The following RBFOX3 variants were observed in gnomAD, a reference collection of about 807,000 sequenced individuals.
RBFOX3 encodes the protein RNA binding fox-1 homolog 3, also known as RNA binding protein fox-1 homolog 3.
A neutral mutation model predicts 48.7 loss-of-function variants in RBFOX3; 17 were observed. That is an observed-to-expected ratio of 0.35 (90% CI 0.24 to 0.52). The LOEUF is 0.52. Among genes scored for constraint, RBFOX3 ranks in the 20% least tolerant of loss-of-function variants. The pLI, the probability that RBFOX3 is intolerant of heterozygous loss-of-function variation, is 0.94. For synonymous variants in RBFOX3, 212 were observed against 209.5 expected (o/e 1.01, Z -0.10); for missense variants, 382 against 497.5 (o/e 0.77, Z 2.21).
chr17:79,121,856 A>C (rs1033965211), intron 4 of RBFOX3, among the ~76,000 whole-genome samples: 19 of 152,154 alleles, frequency 1.2e-4, no homozygotes, highest in African/African-American at 4.1e-4. Flanking sequence ...TTAAAAAAAA[A>C]CATCTGTATG....
At chr17:79,572,058 C>T (rs997002808) in intron 1 of RBFOX3, among the ~76,000 whole-genome samples, 4 of 152,152 alleles carry the variant, frequency 2.6e-5, no homozygotes, top group African/African-American at 4.8e-5. Flanking sequence ...TCCCGAGAGG[C>T]GGGTGTTATT....
chr17:79,362,375 C>T lies in RBFOX3; in HGVS notation c.-174-54551G>A, dbSNP rs1419920089. 1.3e-5 allele frequency among the ~76,000 whole-genome samples: 2 copies of T among 152,050 alleles called. No individual in the cohort carries two copies. The highest frequency in any genetic ancestry group is 2.9e-5 in the Non-Finnish European group (2 of 68,016). On this transcript the variant is annotated intron_variant, in intron 2 of 14. Coordinates refer to ENST00000693108, the MANE Select transcript of RBFOX3 (RefSeq NM_001350451.2). This position sits in a 1 kb window ranked among gnomAD's most constrained non-coding sequence, Gnocchi z 4.2. ...GTAGGACGGTGGGAGAGGCTGAGTG[C>T]AGCGTCTTTCAGAGCCAAACAGAGC...
rs370641253 is a variant in RBFOX3 at position 79,289,002 on chromosome 17, G to A, written c.-74+18722C>T. Among the ~76,000 whole-genome samples the A allele has an allele frequency of 6.8e-4, 104 of 152,192 alleles. 2 individuals are homozygous for A. In the South Asian group the frequency reaches 0.021, roughly 31 times the overall value. On this transcript the variant is annotated intron_variant, in intron 3 of 14. Coordinates refer to ENST00000693108, the MANE Select transcript of RBFOX3 (RefSeq NM_001350451.2). ...GGGTGAGCCCCAGGGACTGGGGTGG[G>A]AATCTTGCATCCATGGGGACAGCTG...
intron 1 of RBFOX3, among the ~76,000 whole-genome samples, chr17:79,490,515 C>T (rs1254651482): frequency 6.6e-6 from 1 of 152,238 alleles, no homozygotes; most frequent in South Asian, 2.1e-4. Flanking sequence ...GAAATGTTCC[C>T]CAAAATACAG....
At chr17:79,650,081 A>G in the RBFOX3 span, among the ~76,000 whole-genome samples, 1 of 152,172 alleles carries the variant, frequency 6.6e-6, no homozygotes, top group Non-Finnish European at 1.5e-5. Context: ...GAGCAGAGAC[A>G]CAGATCCAAA....
rs769257515 is a variant in RBFOX3 at position 79,362,904 on chromosome 17, G to T, written c.-174-55080C>A. Among the ~76,000 whole-genome samples, 1 of 152,158 alleles carries T rather than the reference G, an allele frequency of 6.6e-6. No homozygotes were observed. The highest frequency in any genetic ancestry group is 2.4e-5 in the African/African-American group (1 of 41,434). The stretch of plus-strand genomic sequence containing the variant: ...CTTCGAGGCCACACAGGTGTGAGAG[G>T]TCCCACTCCCCAATCTATATCCCCA... On this transcript the variant is annotated intron_variant, in intron 2 of 14. Coordinates refer to ENST00000693108, the MANE Select transcript of RBFOX3 (RefSeq NM_001350451.2). This position sits in a 1 kb window ranked among gnomAD's most constrained non-coding sequence, Gnocchi z 4.2.
chr17:79,410,198 C>G (rs1336662067), intron 2 of RBFOX3, among the ~76,000 whole-genome samples: 3 of 152,210 alleles, frequency 2.0e-5, no homozygotes, highest in African/African-American at 4.8e-5. Flanking sequence ...CGCCTGGCTG[C>G]CTTGGGCCAA....
chr17:79,420,089 T>C (rs947147314), intron 2 of RBFOX3, among the ~76,000 whole-genome samples: 5 of 148,280 alleles, frequency 3.4e-5, no homozygotes, highest in Non-Finnish European at 5.9e-5. Context: ...ATCATGCCAC[T>C]GCACTCTAGC....
At chr17:79,489,137 C>G (rs1453336379) in intron 1 of RBFOX3, among the ~76,000 whole-genome samples, 1 of 151,672 alleles carries the variant, frequency 6.6e-6, no homozygotes, top group Non-Finnish European at 1.5e-5. Context: ...GAGGACTCCA[C>G]TCGCACATTT....
intron 4 of RBFOX3, among the ~76,000 whole-genome samples, chr17:79,177,919 G>C (rs1293478656): frequency 1.3e-5 from 2 of 152,148 alleles, no homozygotes; most frequent in Non-Finnish European, 2.9e-5. Flanking sequence ...ACACACATTT[G>C]TCCACGTTGG....
intron 2 of RBFOX3, among the ~76,000 whole-genome samples, chr17:79,309,867 T>C (rs186894441): frequency 1.2e-4 from 18 of 152,280 alleles, no homozygotes; most frequent in Non-Finnish European, 2.1e-4. Flanking sequence ...TCCGCCACGA[T>C]TGTAAGTTCC....
In RBFOX3 at chr17:79,115,691, G is replaced by C; in HGVS notation, c.25C>G (p.Gln9Glu). The change falls in exon 5 of 15, where the codon CAG becomes GAG. Residue 9 changes from glutamine to glutamate, a missense_variant. Transcript: ENST00000693108. Reference protein sequence around the residue: MAQPYPPAQYPPPPQNGIP... With the variant: MAQPYPPAEYPPPPQNGIP... ...CCGTTCTGTGGCGGAGGGGGGTACT[G>C]GGCGGGGGGGTAGGGCTGGGCCATC... is the stretch of plus-strand genomic sequence containing the variant. The C allele has an allele frequency of 2.4e-6, 2 of 835,164 alleles. No homozygotes were observed. Among genetic ancestry groups the C allele is most frequent in the Non-Finnish European group, 3.7e-6 (2 of 543,648 alleles). 51.7% of individuals were successfully genotyped at this position (835,164 alleles called of 1,614,324 possible).
intron 4 of RBFOX3, among the ~76,000 whole-genome samples, chr17:79,178,064 A>G (rs2051001053): frequency 6.6e-6 from 1 of 151,946 alleles, no homozygotes; most frequent in Admixed American, 6.6e-5. Context: ...AGCAGCCCCC[A>G]TCTGTGTCCA....
intron 5 of RBFOX3, among the ~76,000 whole-genome samples, chr17:79,114,783 G>A (rs1248880274): frequency 6.6e-6 from 1 of 152,158 alleles, no homozygotes; most frequent in Admixed American, 6.5e-5. Flanking sequence ...GATCTCAGTG[G>A]AGGGGACCAG....
At chr17:79,634,568 C>T in the RBFOX3 span, among the ~76,000 whole-genome samples, 5 of 152,112 alleles carry the variant, frequency 3.3e-5, no homozygotes, top group East Asian at 1.9e-4. Flanking sequence ...ACTGCATGTC[C>T]GACTCTGTCT....
chr17:79,476,851 G>C (rs1468882533), intron 2 of RBFOX3, among the ~76,000 whole-genome samples: 2 of 151,716 alleles, frequency 1.3e-5, no homozygotes, highest in African/African-American at 4.9e-5. Flanking sequence ...AGAGAAGGAG[G>C]AAGAGGAGGG....
At chr17:79,259,068 C>G (rs928690739) in intron 3 of RBFOX3, among the ~76,000 whole-genome samples, 9 of 152,202 alleles carry the variant, frequency 5.9e-5, no homozygotes, top group Admixed American at 3.9e-4. Context: ...CCAGAAATGT[C>G]AAAATTCTCT....
intron 1 of RBFOX3, among the ~76,000 whole-genome samples, chr17:79,531,927 C>G (rs980157270): frequency 1.2e-4 from 18 of 152,360 alleles, no homozygotes; most frequent in African/African-American, 4.3e-4. Flanking sequence ...GCAGGCTGGA[C>G]AGTGCCGGCC....
rs535395641 is a variant in RBFOX3, at chr17:79,365,271, C to T, written c.-174-57447G>A. 5.9e-5 allele frequency among the ~76,000 whole-genome samples: 9 copies of T among 152,262 alleles called. No homozygotes were observed. In the South Asian group the frequency reaches 8.3e-4, roughly 14 times the overall value. On this transcript the variant is annotated intron_variant, in intron 2 of 14. Transcript: ENST00000693108. ...CCTCCTATGAACAAAATATCCACTCCAGCAGAAGTGGGAGGGATGACTGTA... is the reference window on the plus strand; with the variant it reads ...CCTCCTATGAACAAAATATCCACTCTAGCAGAAGTGGGAGGGATGACTGTA...
Sources: gnomAD v4.1 joint callset for allele counts (sites outside exome capture counted in the v4.1 genomes callset) on GRCh38, gnomAD v4.1.1 for gene constraint, Gnocchi (gnomAD v3.1) non-coding constraint, MANE v1.5 for transcripts, NCBI Gene and HGNC (gene_info 2026-07-23, HGNC 2026-07-21) for gene names.